The following KAZN variants were observed in gnomAD, a reference collection of about 807,000 sequenced individuals.
The protein encoded by KAZN is kazrin.
Under a neutral mutation model 87.4 loss-of-function variants are expected in KAZN, and 40 were observed. The observed-to-expected ratio is 0.46, with a 90% CI of 0.36 to 0.60. The LOEUF (loss-of-function observed/expected upper bound fraction) is 0.60, where lower values mean the gene tolerates loss of function less well. KAZN is among the 20% of genes least tolerant of loss of function. The pLI, the probability that KAZN is intolerant of heterozygous loss-of-function variation, is 0.00. For missense variants in KAZN, 898 were observed against 1,073.9 expected, an observed-to-expected ratio of 0.84 and a Z score of 2.29; for synonymous variants, 466 against 458.3, an observed-to-expected ratio of 1.02 and a Z score of -0.22.
At chr1:14,652,947 A>G (rs1572143099) in intron 1 of KAZN, among the ~76,000 whole-genome samples, 2 of 152,024 alleles carry the variant, frequency 1.3e-5, no homozygotes, top group African/African-American at 2.4e-5. Flanking sequence ...GCTGCTACTC[A>G]TACTGCAGTG....
At chr1:14,572,618 C>T (rs1259845010) in intron 2 of KAZN, among the ~76,000 whole-genome samples, 1 of 152,138 alleles carries the variant, frequency 6.6e-6, no homozygotes, top group South Asian at 2.1e-4. Flanking sequence ...GCTTCTTGTG[C>T]ACTTGGCCGA....
At chr1:13,957,560 G>A (rs1178512875) in intron 1 of KAZN, among the ~76,000 whole-genome samples, 3 of 152,270 alleles carry the variant, frequency 2.0e-5, no homozygotes, top group Admixed American at 6.5e-5. Context: ...AATTCTGATG[G>A]TTAGAAAGTT....
At chr1:15,046,232 A>G (rs1476461335) in intron 4 of KAZN, among the ~76,000 whole-genome samples, 4 of 149,774 alleles carry the variant, frequency 2.7e-5, no homozygotes, top group Non-Finnish European at 5.9e-5. Flanking sequence ...CGGGAGGCGG[A>G]GGTTGCAGTG....
chr1:14,033,461 C>T lies in KAZN; in HGVS notation c.91+139705C>T, dbSNP rs140400211. On this transcript the variant is annotated intron_variant, in intron 1 of 16. Transcript: ENST00000636203. Reference sequence around the variant, plus strand: ...TTGATACTGAGAACTTTCTTCCTTCCCACTTATTGAATCTCAGACATTGCC... The same window carrying T: ...TTGATACTGAGAACTTTCTTCCTTCTCACTTATTGAATCTCAGACATTGCC... 2.0e-4 allele frequency among the ~76,000 whole-genome samples: 31 copies of T among 152,294 alleles called. No homozygotes were observed. In the East Asian group the frequency reaches 5.4e-3, roughly 27 times the overall value.
chr1:14,251,282 A>T (rs971814797), intron 2 of KAZN, among the ~76,000 whole-genome samples: 2 of 152,208 alleles, frequency 1.3e-5, no homozygotes, highest in African/African-American at 4.8e-5. Flanking sequence ...TTTAAAGATG[A>T]TAAGGTTGAT....
At chr1:14,455,283 C>T (rs867377216) in intron 2 of KAZN, among the ~76,000 whole-genome samples, 2 of 152,298 alleles carry the variant, frequency 1.3e-5, no homozygotes, top group African/African-American at 4.8e-5. Context: ...AGTATCATCT[C>T]TATTTGTTTC....
chr1:13,925,490 G>T (rs551283699), intron 1 of KAZN, among the ~76,000 whole-genome samples: 6 of 152,334 alleles, frequency 3.9e-5, no homozygotes, highest in African/African-American at 1.4e-4. Context: ...GTACCTGGGA[G>T]ATGGTGCTCC....
intron 2 of KAZN, among the ~76,000 whole-genome samples, chr1:14,304,190 G>T (rs1178602298): frequency 6.6e-6 from 1 of 152,212 alleles, no homozygotes; most frequent in African/African-American, 2.4e-5. Context: ...ACATTCTTCA[G>T]TTCAGAATTC....
intron 1 of KAZN, among the ~76,000 whole-genome samples, chr1:14,818,883 C>T (rs1038219073): frequency 2.6e-5 from 4 of 152,042 alleles, no homozygotes; most frequent in Non-Finnish European, 5.9e-5. Context: ...GGTGAAAGAC[C>T]GTCTCTACTA....
intron 1 of KAZN, among the ~76,000 whole-genome samples, chr1:13,904,759 A>G (rs926687093): frequency 6.6e-6 from 1 of 152,104 alleles, no homozygotes; most frequent in Non-Finnish European, 1.5e-5. Context: ...TATTTATCCT[A>G]TCTGGGGTTT....
intron 1 of KAZN, among the ~76,000 whole-genome samples, chr1:14,076,944 C>T (rs1570681012): frequency 6.6e-6 from 1 of 152,176 alleles, no homozygotes; most frequent in Non-Finnish European, 1.5e-5. Context: ...GGAGGACTGT[C>T]GCTTGCCCTG....
intron 1 of KAZN, among the ~76,000 whole-genome samples, chr1:13,992,737 T>G (rs942842601): frequency 4.6e-5 from 7 of 152,108 alleles, no homozygotes; most frequent in Admixed American, 4.6e-4. Context: ...TCTTTACTGA[T>G]GCTGCCTTCT....
intron 10 of KAZN, among the ~76,000 whole-genome samples, chr1:15,101,239 T>A (rs1411622903): frequency 6.6e-6 from 1 of 151,228 alleles, no homozygotes; most frequent in African/African-American, 2.4e-5. Flanking sequence ...TCTCTCAGTG[T>A]CTCTCTCTCT....
chr1:14,558,388 T>TTACTTGC (rs1367797713), intron 2 of KAZN, among the ~76,000 whole-genome samples: 2 of 152,226 alleles, frequency 1.3e-5, no homozygotes, highest in Non-Finnish European at 2.9e-5. Context: ...AAACATCTTT[T>TTACTTGC]TTCTTTTTAC....
At chr1:13,979,072 G>T (rs1464550887) in intron 1 of KAZN, among the ~76,000 whole-genome samples, 2 of 151,650 alleles carry the variant, frequency 1.3e-5, no homozygotes, top group East Asian at 3.9e-4. Context: ...CTCCAGCCTT[G>T]GTGACAGAGT....
intron 13 of KAZN, among the ~76,000 whole-genome samples, chr1:15,106,034 C>A (rs1352384429): frequency 1.3e-5 from 2 of 152,114 alleles, no homozygotes. Flanking sequence ...AATCTCAGCA[C>A]TTTAGGAGGC....
Position 15,075,418 on chromosome 1 carries a change from T to C in KAZN, c.1222+9665T>C, listed in dbSNP as rs1639693857. Among the ~76,000 whole-genome samples the C allele has an allele frequency of 2.0e-5, 3 of 152,186 alleles. No individual in the cohort carries two copies. The South Asian group carries it at 6.2e-4, about 32-fold the overall frequency. ...AAAGAAAATCTTCTACCTTTACCCA[T>C]CTAGTGTTTCCCAAACTTACGTGAC... On this transcript the variant is annotated intron_variant, in intron 8 of 14. Transcript: ENST00000376030.
At chr1:14,483,205 C>A (rs1476918997) in intron 2 of KAZN, among the ~76,000 whole-genome samples, 1 of 152,164 alleles carries the variant, frequency 6.6e-6, no homozygotes, top group African/African-American at 2.4e-5. Flanking sequence ...ACTCCAAGGC[C>A]ATTTTCCAGC....
intron 2 of KAZN, among the ~76,000 whole-genome samples, chr1:14,990,445 A>C (rs1403833081): frequency 6.6e-6 from 1 of 152,146 alleles, no homozygotes; most frequent in Admixed American, 6.5e-5. Flanking sequence ...GCTAGTCTTT[A>C]ACTCCTGGGC....
Sources: allele counts gnomAD v4.1 joint callset (sites outside exome capture counted in the v4.1 genomes callset), GRCh38; gene constraint gnomAD v4.1.1; transcripts MANE v1.5; gene names NCBI Gene and HGNC (gene_info 2026-07-23, HGNC 2026-07-21).